Variants in CDK14 observed in about 807,000 individuals in gnomAD.
CDK14 encodes the protein cyclin-dependent kinase 14.
Under a neutral mutation model 60.7 loss-of-function variants are expected in CDK14, and 34 were observed. The observed-to-expected ratio is 0.56, with a 90% confidence interval of 0.43 to 0.75. The LOEUF (loss-of-function observed/expected upper bound fraction) is 0.75. Among genes scored for constraint, CDK14 ranks in the 30% least tolerant of loss-of-function variants. CDK14 has a pLI of 0.00. For synonymous variants in CDK14, 197 were observed against 203.7 expected (o/e 0.97, Z 0.28); for missense variants, 482 against 564.1 (o/e 0.85, Z 1.47).
intron 4 of CDK14, among the ~76,000 whole-genome samples, chr7:90,751,716 G>A (rs941803130): frequency 5.3e-5 from 8 of 152,048 alleles, no homozygotes; most frequent in Non-Finnish European, 1.5e-5. Flanking sequence ...CTTTTAAAGG[G>A]CATAGAATTG....
At chr7:90,788,217 C>T (rs1179255771) in intron 4 of CDK14, among the ~76,000 whole-genome samples, 2 of 152,108 alleles carry the variant, frequency 1.3e-5, no homozygotes, top group African/African-American at 4.8e-5. Context: ...CCAAGCAGTT[C>T]CTGGAATCAG....
intron 10 of CDK14, among the ~76,000 whole-genome samples, chr7:91,038,457 A>C (rs753088738): frequency 6.6e-6 from 1 of 152,224 alleles, no homozygotes; most frequent in Non-Finnish European, 1.5e-5. Flanking sequence ...CACAGAAATA[A>C]ATGTAAAGTT....
chr7:91,086,371 G>A (rs887137697), intron 12 of CDK14, among the ~76,000 whole-genome samples: 22 of 152,100 alleles, frequency 1.4e-4, no homozygotes, highest in Non-Finnish European at 2.6e-4. Context: ...GCAGCCTGTT[G>A]CAAGTGTCTC....
chr7:90,709,731 T>C, intron 2 of CDK14: 1 of 1,442,384 alleles, frequency 6.9e-7, no homozygotes, highest in Middle Eastern at 2.3e-4. Context: ...TTTTTGGTCT[T>C]ATTCCACTGA....
At chr7:90,981,503 T>C (rs751573164) in intron 9 of CDK14, among the ~76,000 whole-genome samples, 1 of 152,236 alleles carries the variant, frequency 6.6e-6, no homozygotes, top group Non-Finnish European at 1.5e-5. Flanking sequence ...TGTGGTACAA[T>C]AGGGAAGCAA....
intron 9 of CDK14, among the ~76,000 whole-genome samples, chr7:90,967,482 G>T (rs1486135313): frequency 6.6e-6 from 1 of 152,158 alleles, no homozygotes; most frequent in African/African-American, 2.4e-5. Flanking sequence ...AGTGGGAGCT[G>T]ATTAAATAGC....
chr7:91,175,961 A>G (rs1801733423), intron 14 of CDK14, among the ~76,000 whole-genome samples: 1 of 151,922 alleles, frequency 6.6e-6, no homozygotes, highest in Non-Finnish European at 1.5e-5. Flanking sequence ...AAGCGGACCT[A>G]ATAGACATCT....
chr7:91,158,185 A>G (rs1270466097), intron 14 of CDK14, among the ~76,000 whole-genome samples: 2 of 148,244 alleles, frequency 1.3e-5, no homozygotes, highest in African/African-American at 4.9e-5. Flanking sequence ...AAATATACAT[A>G]AAATATATAT....
intron 6 of CDK14, among the ~76,000 whole-genome samples, chr7:90,871,206 C>T (rs1791361937): frequency 2.0e-5 from 3 of 151,922 alleles, no homozygotes; most frequent in Admixed American, 2.0e-4. Flanking sequence ...AATCAAGGAT[C>T]AGAAAAGAAT....
chr7:90,638,461 C>T lies in CDK14; in HGVS notation c.123+34212C>T, dbSNP rs562487134. ...TTTAAGAATGTTGAATATTGGCCCC[C>T]ACTCTCTTCTGGCTTTTAGAGTTTC... is the stretch of plus-strand genomic sequence containing the variant. On this transcript the variant is annotated intron_variant, in intron 2 of 14. Transcript: ENST00000380050. Among the ~76,000 whole-genome samples, 7 of 152,324 alleles carry T rather than the reference C, an allele frequency of 4.6e-5. No homozygotes were observed. In the East Asian group the frequency reaches 1.4e-3, roughly 29 times the overall value.
chr7:90,824,351 G>T (rs932890015), intron 5 of CDK14, among the ~76,000 whole-genome samples: 1 of 152,158 alleles, frequency 6.6e-6, no homozygotes, highest in African/African-American at 2.4e-5. Flanking sequence ...TAGTGGAATG[G>T]GGCAGGTGTC....
chr7:90,963,338 C>A (rs1320718064), intron 9 of CDK14, among the ~76,000 whole-genome samples: 1 of 151,748 alleles, frequency 6.6e-6, no homozygotes, highest in Admixed American at 6.6e-5. Context: ...ACAGCTTGAG[C>A]CCCAGATTCA....
chr7:90,982,324 G>A (rs1297214081), intron 9 of CDK14, among the ~76,000 whole-genome samples: 1 of 152,172 alleles, frequency 6.6e-6, no homozygotes, highest in African/African-American at 2.4e-5. Context: ...CGAAGAAGGA[G>A]GGTACTCTAG....
chr7:91,109,751 G>A lies in CDK14; in HGVS notation c.1155-2791G>A, dbSNP rs1002013290. Among the ~76,000 whole-genome samples the A allele has an allele frequency of 2.6e-5, 4 of 152,006 alleles. No homozygotes were observed. The East Asian group carries it at 7.7e-4, about 29-fold the overall frequency. On this transcript the variant is annotated intron_variant, in intron 12 of 14. Transcript: ENST00000380050. The stretch of plus-strand genomic sequence containing the variant: ...TGTATGAAACATTAAAAATAAGCAG[G>A]TAACAAAAGGTATGGCAGGCAAATA...
intron 4 of CDK14, among the ~76,000 whole-genome samples, chr7:90,766,373 A>G (rs1804563198): frequency 6.6e-6 from 1 of 152,236 alleles, no homozygotes; most frequent in Middle Eastern, 3.2e-3. Context: ...TTTAGTGTTT[A>G]GAACATTGTC....
intron 14 of CDK14, among the ~76,000 whole-genome samples, chr7:91,166,304 C>G (rs1720309087): frequency 6.6e-6 from 1 of 152,128 alleles, no homozygotes; most frequent in African/African-American, 2.4e-5. Context: ...TGTGAAAGAC[C>G]AAATATCATC....
intron 2 of CDK14, among the ~76,000 whole-genome samples, chr7:90,661,605 T>C (rs1258104233): frequency 2.0e-5 from 3 of 152,196 alleles, no homozygotes; most frequent in Non-Finnish European, 2.9e-5. Context: ...CTCAGTGTTA[T>C]CATCAAGATT....
chr7:90,906,086 T>C (rs1281262994), intron 7 of CDK14, among the ~76,000 whole-genome samples: 3 of 152,148 alleles, frequency 2.0e-5, no homozygotes, highest in Non-Finnish European at 4.4e-5. Flanking sequence ...AGATATGTCA[T>C]GGGTATTTCT....
chr7:90,728,435 C>T (rs1350602352), intron 3 of CDK14, among the ~76,000 whole-genome samples: 1 of 150,844 alleles, frequency 6.6e-6, no homozygotes, highest in African/African-American at 2.4e-5. Flanking sequence ...GTTTTTTTAA[C>T]TTTTAATTTT....
Sources: gnomAD v4.1 joint callset for allele counts (sites outside exome capture counted in the v4.1 genomes callset) on GRCh38, gnomAD v4.1.1 for gene constraint, MANE v1.5 for transcripts, NCBI Gene and HGNC (gene_info 2026-07-23, HGNC 2026-07-21) for gene names.